PCNP: variants seen among roughly 807,000 people sequenced by gnomAD.
PCNP encodes the protein PEST proteolytic signal-containing nuclear protein.
In PCNP, 6 loss-of-function variants were observed where a neutral mutation model predicts 21.8. The observed-to-expected ratio is 0.28, with a 90% CI of 0.15 to 0.54. The LOEUF is 0.54. Among genes scored for constraint, PCNP ranks in the 20% least tolerant of loss-of-function variants. The pLI is 0.95. For missense variants in PCNP, 161 were observed against 215.5 expected (o/e 0.75, Z 1.58); for synonymous variants, 67 against 73.2 (o/e 0.92, Z 0.43).
chr3:101,581,291 G>T (rs1935207463), intron 2 of PCNP, among the ~76,000 whole-genome samples: 1 of 152,092 alleles, frequency 6.6e-6, no homozygotes, highest in East Asian at 1.9e-4. Flanking sequence ...AATGTTTTTT[G>T]ATAGGCAGTA....
chr3:101,589,410 C>CTTTTT (rs35442732), intron 3 of PCNP, among the ~76,000 whole-genome samples: 1 of 146,044 alleles, frequency 6.8e-6, no homozygotes, highest in Non-Finnish European at 1.5e-5. Flanking sequence ...AATGAGCTCT[C>CTTTTT]TTTTTTTTTT....
chr3:101,574,714 C>G (rs2108267637), intron 1 of PCNP: 1 of 165,824 alleles, frequency 6.0e-6, no homozygotes, highest in East Asian at 1.7e-4. Flanking sequence ...GAACTGGCCG[C>G]AGGCTGAGTT....
intron 1 of PCNP, among the ~76,000 whole-genome samples, chr3:101,577,535 C>CT (rs948062951): frequency 6.6e-6 from 1 of 152,052 alleles, no homozygotes; most frequent in African/African-American, 2.4e-5. Context: ...TTTTTTCTTC[C>CT]TTTTTTTGAG....
At chr3:101,592,050 A>C (rs1324904179) in intron 4 of PCNP, among the ~76,000 whole-genome samples, 1 of 151,826 alleles carries the variant, frequency 6.6e-6, no homozygotes, top group African/African-American at 2.4e-5. Context: ...AATTACCTTA[A>C]ATGTTTGTTA....
intron 3 of PCNP, among the ~76,000 whole-genome samples, chr3:101,587,939 T>A (rs944287567): frequency 3.9e-5 from 6 of 152,184 alleles, no homozygotes; most frequent in Non-Finnish European, 8.8e-5. Flanking sequence ...ATTTTACCCT[T>A]AATTTGTGAG....
In PCNP at chr3:101,578,313, T is replaced by C. The variant is rs9848943; in HGVS notation, c.65-1477T>C. ...AAATTAGCGTAAGTGCTTTTAGTTATAAACAGACTCTGAAAAAACTGTTTG... is the reference window on the plus strand; with the variant it reads ...AAATTAGCGTAAGTGCTTTTAGTTACAAACAGACTCTGAAAAAACTGTTTG... On this transcript the variant is annotated intron_variant, in intron 1 of 4. Transcript: ENST00000265260. 9.8e-4 allele frequency among the ~76,000 whole-genome samples: 149 copies of C among 152,368 alleles called. 1 individual carries two copies. The highest frequency in any genetic ancestry group is 3.4e-3 in the African/African-American group (140 of 41,596).
At chr3:101,574,135 GC>G, upstream of PCNP, 1 of 1,510,490 alleles carries the variant, frequency 6.6e-7, no homozygotes, top group Non-Finnish European at 8.9e-7. Context: ...CACCACGCCG[GC>G]TGGCCCCAAA....
chr3:101,591,747 T>C (rs1401770859), intron 4 of PCNP, among the ~76,000 whole-genome samples: 1 of 149,918 alleles, frequency 6.7e-6, no homozygotes, highest in Admixed American at 6.8e-5. Flanking sequence ...TTTTTTTGTT[T>C]TTTTGTTTTG....
chr3:101,584,599 C>T (rs1234339684), intron 2 of PCNP, among the ~76,000 whole-genome samples: 1 of 152,096 alleles, frequency 6.6e-6, no homozygotes, highest in Non-Finnish European at 1.5e-5. Flanking sequence ...CAGTCTCACT[C>T]TGTTACCCAG....
chr3:101,582,561 A>G lies in PCNP; in HGVS notation c.279+2557A>G, dbSNP rs73157313. 5.7e-3 allele frequency among the ~76,000 whole-genome samples: 870 copies of G among 152,390 alleles called. 6 individuals are homozygous for G. The highest frequency in any genetic ancestry group is 8.9e-3 in the Non-Finnish European group (607 of 68,036). On this transcript the variant is annotated intron_variant, in intron 2 of 4. Transcript: ENST00000265260. ...ATTATGTGAAGATAGTTAATCAGCC[A>G]ACAAATGCTTATTTGTGTCCACAAC...
At position 101,590,409 on chromosome 3, in the gene PCNP, G is replaced by T. The variant is rs146544846; in HGVS notation, c.410+139G>T. On this transcript the variant is annotated intron_variant, in intron 4 of 4. Coordinates refer to ENST00000265260, the MANE Select transcript of PCNP (RefSeq NM_020357.3). ...TTTTAAAAGCATGTTCTGTGTACTA[G>T]ATGATTAATTAGGATTTTGAAGATG... 864 of 581,816 alleles carry T rather than the reference G, an allele frequency of 1.5e-3. 6 individuals are homozygous for T. Among genetic ancestry groups the T allele is most frequent in the Middle Eastern group, 4.0e-3 (9 of 2,244 alleles). The allele number at this position is 581,816 out of a possible 1,614,324, so 36.0% of individuals were successfully genotyped here.
chr3:101,575,369 T>G (rs1235128877), intron 1 of PCNP, among the ~76,000 whole-genome samples: 1 of 152,144 alleles, frequency 6.6e-6, no homozygotes, highest in East Asian at 1.9e-4. Flanking sequence ...TTGAAAAGAT[T>G]AAGTGTAATG....
chr3:101,592,120 G>A (rs1441785415), intron 4 of PCNP, among the ~76,000 whole-genome samples: 1 of 151,856 alleles, frequency 6.6e-6, no homozygotes, highest in Non-Finnish European at 1.5e-5. Flanking sequence ...TTCTAGAACT[G>A]TGTCTGTAAA....
intron 1 of PCNP, chr3:101,576,758 C>T: frequency 6.2e-7 from 1 of 1,611,728 alleles, no homozygotes; most frequent in East Asian, 2.2e-5. Flanking sequence ...ACACGTTCCA[C>T]CTCATCATCA....
intron 1 of PCNP, among the ~76,000 whole-genome samples, chr3:101,575,751 A>G (rs762175713): frequency 1.3e-5 from 2 of 152,312 alleles, no homozygotes; most frequent in Non-Finnish European, 2.9e-5. Context: ...TGTGCTGTCA[A>G]AATGTACCTT....
intron 2 of PCNP, 52 bp from the exon 3 acceptor site, chr3:101,585,385 C>G (rs1935443948): frequency 2.0e-6 from 2 of 1,023,094 alleles, no homozygotes; most frequent in Admixed American, 2.2e-5. Flanking sequence ...ATTAAACAAG[C>G]TTGTATAAAT....
intron 2 of PCNP, among the ~76,000 whole-genome samples, chr3:101,581,709 T>C (rs942558394): frequency 3.3e-5 from 5 of 150,870 alleles, no homozygotes. Flanking sequence ...GCTGGAATTA[T>C]GGGCATGAGC....
chr3:101,587,985 G>A (rs1935619303), intron 3 of PCNP, among the ~76,000 whole-genome samples: 1 of 152,080 alleles, frequency 6.6e-6, no homozygotes, highest in Non-Finnish European at 1.5e-5. Context: ...TGAAAATGGA[G>A]AAATTGACTG....
chr3:101,589,948 G>T, intron 3 of PCNP: 1 of 389,774 alleles, frequency 2.6e-6, no homozygotes, highest in Non-Finnish European at 4.6e-6. Flanking sequence ...CAACACAATG[G>T]GCAGCATTTA....
Sources: allele counts gnomAD v4.1 joint callset (sites outside exome capture counted in the v4.1 genomes callset), GRCh38; gene constraint gnomAD v4.1.1; transcripts MANE v1.5; gene names NCBI Gene and HGNC (gene_info 2026-07-23, HGNC 2026-07-21).